Variants in BTG3 observed in about 807,000 individuals in gnomAD.
The protein encoded by BTG3 is protein BTG3.
In BTG3, 4 loss-of-function variants were observed where a neutral mutation model predicts 25.8. That is an observed-to-expected ratio of 0.16 (90% CI 0.08 to 0.36). The LOEUF (loss-of-function observed/expected upper bound fraction) is 0.36. BTG3 is among the 10% of genes least tolerant of loss of function. The probability of loss-of-function intolerance (pLI) is 1.00; values close to 1 mark genes in which losing one functional copy is unlikely to be tolerated. For synonymous variants in BTG3, 107 were observed against 99.9 expected (o/e 1.07, Z -0.42); for missense variants, 201 against 304.9 (o/e 0.66, Z 2.54).
Position 17,594,181 on chromosome 21 carries a change from C to A in BTG3, c.671G>T (p.Arg224Leu). Residue 224 changes from arginine to leucine, a missense_variant, in exon 5 of 5, where the codon CGC becomes CTC. By Grantham distance (102) the Arg-to-Leu change is moderately radical. This residue lies in a region of BTG3 where 131 missense variants were observed against 129.3 expected (regional missense o/e 1.01). Transcript: ENST00000348354. ...PNQGRKNKPY[R>L]PIPVTWVPPP... is the part of the protein sequence containing the mutation. ...AGGTACCCATGTCACTGGAATTGGG[C>A]GATATGGTTTATTTTTTCTTCCCTG... The A allele has an allele frequency of 6.2e-7, 1 of 1,613,156 alleles. No homozygotes were observed. The highest frequency in any genetic ancestry group is 8.5e-7 in the Non-Finnish European group (1 of 1,179,372).
At chr21:17,606,196 G>A (rs537941915) in intron 2 of BTG3, among the ~76,000 whole-genome samples, 2 of 152,220 alleles carry the variant, frequency 1.3e-5, no homozygotes, top group Admixed American at 6.5e-5. Flanking sequence ...CATCCTGTGA[G>A]TTAGATACTT....
At chr21:17,609,499 G>T (rs1309290829) in intron 1 of BTG3, among the ~76,000 whole-genome samples, 6 of 152,130 alleles carry the variant, frequency 3.9e-5, no homozygotes, top group African/African-American at 1.4e-4. Flanking sequence ...ATATTTAGCT[G>T]CAATAATCTA....
chr21:17,594,144 C>T lies in BTG3; in HGVS notation c.708G>A (p.Met236Ile). Residue 236 changes from methionine to isoleucine, a missense_variant, in exon 5 of 5, where the codon ATG (methionine) becomes ATA (isoleucine). Transcript: ENST00000348354. ...IPVTWVPPPG[M>I]HCDRNHWINP... ...TAATCCAGTGATTCCGGTCACAATG[C>T]ATTCCAGGAGGAGGTACCCATGTCA... 1.2e-6 allele frequency: 2 copies of T among 1,613,240 alleles called. No individual in the cohort carries two copies. Among genetic ancestry groups the T allele is most frequent in the Non-Finnish European group, 1.7e-6 (2 of 1,179,390 alleles).
intron 2 of BTG3, among the ~76,000 whole-genome samples, chr21:17,607,095 C>T (rs1236302026): frequency 6.6e-6 from 1 of 152,084 alleles, no homozygotes; most frequent in African/African-American, 2.4e-5. Flanking sequence ...TAGTAACAAC[C>T]CACTATTTTT....
At position 17,594,210 on chromosome 21, in the gene BTG3, T is replaced by C. The variant is rs774299041; in HGVS notation, c.642A>G (p.Pro214=). The change falls in exon 5 of 5, where the codon CCA becomes CCG. Residue 214 remains proline (P), a synonymous_variant. Coordinates refer to ENST00000348354, the MANE Select transcript of BTG3 (RefSeq NM_006806.5). ...ATGGTTTATTTTTTCTTCCCTGATT[T>C]GGATAACCAAATGGAACAGGAGGAG... is the stretch of plus-strand genomic sequence containing the variant. The part of the protein sequence containing the change: ...HYPPPVPFGY[P]NQGRKNKPYR... 5 of 1,613,276 alleles carry C rather than the reference T, an allele frequency of 3.1e-6. No homozygotes were observed.
intron 2 of BTG3, among the ~76,000 whole-genome samples, chr21:17,607,891 C>T (rs1047487962): frequency 3.3e-5 from 5 of 152,292 alleles, no homozygotes. Flanking sequence ...GTGAGCATGC[C>T]AGGGCATGTT....
chr21:17,611,337 AT>A (rs2061720571), intron 1 of BTG3, among the ~76,000 whole-genome samples: 1 of 152,196 alleles, frequency 6.6e-6, no homozygotes, highest in African/African-American at 2.4e-5. Flanking sequence ...CATTCATTAC[AT>A]TTGCCAACTA....
intron 3 of BTG3, 95 bp downstream of exon 3, chr21:17,604,765 G>A: frequency 7.2e-7 from 1 of 1,395,958 alleles, no homozygotes; most frequent in East Asian, 2.5e-5. Context: ...CCAGCTCCTG[G>A]CCATAAAGAT....
At chr21:17,607,550 G>C (rs939630207) in intron 2 of BTG3, among the ~76,000 whole-genome samples, 4 of 152,106 alleles carry the variant, frequency 2.6e-5, no homozygotes, top group Admixed American at 2.6e-4. Context: ...CTTGTCAATA[G>C]AACACAAGCT....
intron 2 of BTG3, among the ~76,000 whole-genome samples, chr21:17,607,814 T>C (rs2061664257): frequency 6.6e-6 from 1 of 152,214 alleles, no homozygotes; most frequent in Non-Finnish European, 1.5e-5. Flanking sequence ...AATGGGACAA[T>C]GTTTGGCAGC....
At chr21:17,611,138 C>G (rs2061716618) in intron 1 of BTG3, among the ~76,000 whole-genome samples, 1 of 152,196 alleles carries the variant, frequency 6.6e-6, no homozygotes, top group Non-Finnish European at 1.5e-5. Context: ...AAATGTAAGC[C>G]ATTTCCACTT....
At chr21:17,612,156 T>A (rs2061736886) in intron 1 of BTG3, 1 of 152,352 alleles carries the variant, frequency 6.6e-6, no homozygotes, top group Non-Finnish European at 1.5e-5. Flanking sequence ...GCCCAACTTC[T>A]GCAATCCCGG....
chr21:17,601,405 T>G (rs1356031665), intron 3 of BTG3, among the ~76,000 whole-genome samples: 1 of 152,052 alleles, frequency 6.6e-6, no homozygotes, highest in Non-Finnish European at 1.5e-5. Context: ...ACATCTATAA[T>G]TCTAGTACTT....
chr21:17,610,777 T>C (rs540124997), intron 1 of BTG3, among the ~76,000 whole-genome samples: 5 of 152,350 alleles, frequency 3.3e-5, no homozygotes, highest in South Asian at 2.1e-4. Context: ...ACAACTAACC[T>C]AGCAGTAGTT....
intron 4 of BTG3, among the ~76,000 whole-genome samples, chr21:17,597,836 T>C (rs1213391063): frequency 6.6e-6 from 1 of 152,190 alleles, no homozygotes; most frequent in African/African-American, 2.4e-5. Flanking sequence ...TCCAATATTC[T>C]GCTTCTTACT....
chr21:17,602,664 T>C (rs1301578573), intron 3 of BTG3, among the ~76,000 whole-genome samples: 2 of 152,124 alleles, frequency 1.3e-5, no homozygotes, highest in African/African-American at 4.8e-5. Context: ...TTTGGCAAAT[T>C]TACATATAAA....
chr21:17,593,916 A>G lies in BTG3; in HGVS notation c.*177T>C, dbSNP rs2061468299. 1 of 813,544 alleles carries G rather than the reference A, an allele frequency of 1.2e-6. No individual in the cohort carries two copies. The highest frequency in any genetic ancestry group is 2.9e-5 in the East Asian group (1 of 34,848). The allele number at this position is 813,544 out of a possible 1,614,324, so 50.4% of individuals were successfully genotyped here. A position where few individuals can be genotyped will look rare whatever the true frequency, so the allele number is the denominator to read the frequency against. ...ATAAAATTTCTCAAACTATATCAAT[A>G]TCTAAAGTGCATATATTTTTTAAGA... On this transcript the variant is annotated 3_prime_UTR_variant, in exon 5 of 5. Coordinates refer to ENST00000348354, the MANE Select transcript of BTG3 (RefSeq NM_006806.5).
Position 17,594,187 on chromosome 21 carries a change from G to A in BTG3, c.665C>T (p.Pro222Leu), listed in dbSNP as rs1302907054. The change falls in exon 5 of 5, where the codon CCA becomes CTA. Residue 222 changes from proline to leucine, a missense_variant. Pro to Leu is a moderately conservative substitution (Grantham distance 98, BLOSUM62 -3). Around this residue, in one of 2 missense-constraint regions of BTG3, gnomAD observed 131 missense variants for 129.3 expected, o/e 1.01. Transcript: ENST00000348354. Reference sequence around the variant, plus strand: ...CCATGTCACTGGAATTGGGCGATATGGTTTATTTTTTCTTCCCTGATTTGG... The same window carrying A: ...CCATGTCACTGGAATTGGGCGATATAGTTTATTTTTTCTTCCCTGATTTGG... ...GYPNQGRKNK[P>L]YRPIPVTWVP... 6.2e-7 allele frequency: 1 copy of A among 1,613,238 alleles called. No individual in the cohort carries two copies. The highest frequency in any genetic ancestry group is 2.2e-5 in the East Asian group (1 of 44,854).
Position 17,596,250 on chromosome 21 carries a change from T to C in BTG3, c.520-1918A>G, listed in dbSNP as rs1043001086. ...CCTAGTCTATGGTTTGCCCATTTTC[T>C]TAATGGTTTCTTTGATGAACAAAAA... On this transcript the variant is annotated intron_variant, in intron 4 of 4. Coordinates refer to ENST00000348354, the MANE Select transcript of BTG3 (RefSeq NM_006806.5). 5.3e-5 allele frequency among the ~76,000 whole-genome samples: 8 copies of C among 152,192 alleles called. 1 individual carries two copies. In the South Asian group the frequency reaches 1.7e-3, roughly 31 times the overall value.
Sources: gnomAD v4.1 joint callset for allele counts (sites outside exome capture counted in the v4.1 genomes callset) on GRCh38, gnomAD v4.1.1 for gene constraint, gnomAD v4.1.1 regional missense constraint, MANE v1.5 for transcripts, NCBI Gene and HGNC (gene_info 2026-07-23, HGNC 2026-07-21) for gene names.